Variants in COL4A6 observed in about 807,000 individuals in gnomAD.
COL4A6 encodes collagen alpha-6(IV) chain.
A neutral mutation model predicts 126.7 loss-of-function variants in COL4A6; 59 were observed. That is an observed-to-expected ratio of 0.47 (90% CI 0.38 to 0.58). The LOEUF is 0.58. COL4A6 is among the 20% of genes least tolerant of loss of function. The pLI is 0.00. For synonymous variants in COL4A6, 547 were observed against 496.6 expected (o/e 1.10, Z -1.35); for missense variants, 1,285 against 1,337.3 (o/e 0.96, Z 0.61).
At chrX:108,369,881 A>T (rs1403853099) in intron 2 of COL4A6, among the ~76,000 whole-genome samples, 1 of 112,482 alleles carries the variant, frequency 8.9e-6, no homozygotes, top group African/African-American at 3.2e-5. Flanking sequence ...ATATTAGTTA[A>T]ATGAATAGAG....
rs745679772 is a variant in COL4A6, at chrX:108,169,593, G to A, written c.3593C>T (p.Pro1198Leu). 1 of 1,211,167 alleles carries A rather than the reference G, an allele frequency of 8.3e-7. No individual in the cohort carries two copies. Among genetic ancestry groups the A allele is most frequent in the Non-Finnish European group, 1.1e-6 (1 of 895,283 alleles). The change falls in exon 37 of 45, where the codon CCT becomes CTT. Residue 1198 changes from proline (P) to leucine (L), a missense_variant. Coordinates refer to ENST00000334504, the MANE Select transcript of COL4A6 (RefSeq NM_033641.4). ...TCCTTTGGGTCCAGGGAGACCAGCA[G>A]GCCCAGGCACACCGGTGATACTAGG... ...PGPSITGVPG[P>L]AGLPGPKGEK...
chrX:108,289,160 A>T (rs1481118492), intron 3 of COL4A6, among the ~76,000 whole-genome samples: 1 of 110,708 alleles, frequency 9.0e-6, no homozygotes, highest in Non-Finnish European at 1.9e-5. Context: ...TAAGGACATC[A>T]TTGGGATAAC....
intron 2 of COL4A6, among the ~76,000 whole-genome samples, chrX:108,385,076 T>C (rs769264839): frequency 6.1e-4 from 67 of 110,579 alleles, no homozygotes; most frequent in African/African-American, 2.1e-3. Context: ...CCAATTCTTA[T>C]ATATACTATT....
intron 3 of COL4A6, among the ~76,000 whole-genome samples, chrX:108,226,801 A>C (rs142569554): frequency 0.03 from 3,308 of 110,785 alleles, 124 homozygotes; most frequent in African/African-American, 0.1. Context: ...CATCCGATCC[A>C]TTAGCAAGGA....
At chrX:108,430,368 C>G (rs1379102072) in intron 2 of COL4A6, among the ~76,000 whole-genome samples, 1 of 111,808 alleles carries the variant, frequency 8.9e-6, no homozygotes, top group Non-Finnish European at 1.9e-5. Flanking sequence ...TAGGAAGAAA[C>G]ACACAGACAT....
chrX:108,178,761 G>A lies in COL4A6; in HGVS notation c.2438C>T (p.Thr813Ile), dbSNP rs1443019517. The A allele has an allele frequency of 2.5e-6, 3 of 1,211,657 alleles. No homozygotes were observed. The highest frequency in any genetic ancestry group is 2.3e-4 in the Middle Eastern group (1 of 4,354). Residue 813 changes from threonine (T) to isoleucine (I), a missense_variant, in exon 27 of 45, where the codon ACC (threonine) becomes ATC (isoleucine). Thr to Ile is a moderately conservative substitution (Grantham distance 89, BLOSUM62 -1). Coordinates refer to ENST00000334504, the MANE Select transcript of COL4A6 (RefSeq NM_033641.4). ...GTPGQVGQPG[T>I]PGSSGPYGIK... ...GCCATATGGACCACTAGATCCTGGG[G>A]TGCCTGGCTGTCCCACCTGTCCTGG...
At chrX:108,382,789 AT>A (rs963479520) in intron 2 of COL4A6, among the ~76,000 whole-genome samples, 4 of 108,734 alleles carry the variant, frequency 3.7e-5, no homozygotes, top group African/African-American at 1.3e-4. Flanking sequence ...TCTACTAAAA[AT>A]ACAAAAATTA....
At chrX:108,404,699 C>A (rs1177150598) in intron 2 of COL4A6, among the ~76,000 whole-genome samples, 1 of 111,621 alleles carries the variant, frequency 9.0e-6, no homozygotes, top group Non-Finnish European at 1.9e-5. Context: ...GTACTCAATA[C>A]CTCATCTGGC....
At chrX:108,189,435 A>T (rs1004387945) in intron 20 of COL4A6, among the ~76,000 whole-genome samples, 46 of 112,049 alleles carry the variant, frequency 4.1e-4, no homozygotes, top group African/African-American at 1.3e-3. Flanking sequence ...GGTGATTCTC[A>T]TGTATAATGA....
intron 2 of COL4A6, among the ~76,000 whole-genome samples, chrX:108,411,607 C>T (rs2041331182): frequency 8.9e-6 from 1 of 111,813 alleles, no homozygotes; most frequent in Admixed American, 9.5e-5. Context: ...CAGTGAGTTT[C>T]CATTACTTTT....
chrX:108,192,624 G>A lies in COL4A6; in HGVS notation c.1073-44C>T, dbSNP rs1168414261. 4.4e-6 allele frequency: 4 copies of A among 910,221 alleles called. No individual in the cohort carries two copies. The African/African-American group carries it at 7.8e-5, about 18-fold the overall frequency. 75.0% of individuals were successfully genotyped at this position (910,221 alleles called of 1,213,427 possible). A position where few individuals can be genotyped will look rare whatever the true frequency, so the allele number is the denominator to read the frequency against. ...AAAATAGTAAATAAAGACAGAGGAGGCCCACAGATGCTACAAAATGCCCAA... is the reference window on the plus strand; with the variant it reads ...AAAATAGTAAATAAAGACAGAGGAGACCCACAGATGCTACAAAATGCCCAA... On this transcript the variant is annotated intron_variant, in intron 17 of 44. Coordinates refer to ENST00000334504, the MANE Select transcript of COL4A6 (RefSeq NM_033641.4).
intron 3 of COL4A6, among the ~76,000 whole-genome samples, chrX:108,283,112 C>T (rs868755179): frequency 3.5e-4 from 37 of 107,065 alleles, no homozygotes; most frequent in African/African-American, 1.2e-3. Context: ...CTAACCTGCA[C>T]ATTGTGCACT....
At chrX:108,433,747 C>G (rs574304172) in intron 2 of COL4A6, among the ~76,000 whole-genome samples, 1 of 111,208 alleles carries the variant, frequency 9.0e-6, no homozygotes, top group South Asian at 3.8e-4. Context: ...TGGTCTTGAA[C>G]TCATGAGCTC....
chrX:108,271,672 T>G (rs891855155), intron 3 of COL4A6, among the ~76,000 whole-genome samples: 4 of 110,545 alleles, frequency 3.6e-5, no homozygotes, highest in African/African-American at 1.3e-4. Flanking sequence ...ACACAAATCA[T>G]AACCAGATAT....
chrX:108,378,270 C>T (rs183929540), intron 2 of COL4A6, among the ~76,000 whole-genome samples: 136 of 111,321 alleles, frequency 1.2e-3, no homozygotes, highest in African/African-American at 4.0e-3. Flanking sequence ...TTTTAGGGAG[C>T]TTTTTGTTTG....
chrX:108,373,703 C>G (rs569846977), intron 2 of COL4A6, among the ~76,000 whole-genome samples: 8 of 111,800 alleles, frequency 7.2e-5, no homozygotes, highest in African/African-American at 2.6e-4. Flanking sequence ...CTATCCAAAG[C>G]AGGGCCTCTA....
chrX:108,378,279 T>C (rs1328867478), intron 2 of COL4A6, among the ~76,000 whole-genome samples: 2 of 111,530 alleles, frequency 1.8e-5, no homozygotes, highest in African/African-American at 6.5e-5. Context: ...GCTTTTTGTT[T>C]GTTTCTTTGT....
intron 44 of COL4A6, among the ~76,000 whole-genome samples, chrX:108,158,466 A>G (rs1186521767): frequency 8.9e-6 from 1 of 112,413 alleles, no homozygotes; most frequent in Non-Finnish European, 1.9e-5. Context: ...GAGCCCTCCC[A>G]TAAGCAGGGC....
At chrX:108,388,053 C>T (rs1290579950) in intron 2 of COL4A6, among the ~76,000 whole-genome samples, 1 of 111,790 alleles carries the variant, frequency 8.9e-6, no homozygotes, top group Non-Finnish European at 1.9e-5. Context: ...GCCTTGCATC[C>T]CCAGGATGAA....
Sources: allele counts gnomAD v4.1 joint callset (sites outside exome capture counted in the v4.1 genomes callset), GRCh38; gene constraint gnomAD v4.1.1; transcripts MANE v1.5; gene names NCBI Gene and HGNC (gene_info 2026-07-23, HGNC 2026-07-21).